The following ZNF662 variants were observed in gnomAD, a reference collection of about 807,000 sequenced individuals.
The protein encoded by ZNF662 is zinc finger protein 662.
In ZNF662, 14 loss-of-function variants were observed where a neutral mutation model predicts 12.4. That is an observed-to-expected ratio of 1.13 (90% CI 0.75 to 1.77). The LOEUF (loss-of-function observed/expected upper bound fraction) is 1.77, where lower values mean the gene tolerates loss of function less well. Among genes scored for constraint, ZNF662 ranks in the 40% most tolerant of loss-of-function variants. The pLI is 0.00. For missense variants in ZNF662, 550 were observed against 515.6 expected (o/e 1.07, Z -0.65); for synonymous variants, 184 against 176.4 (o/e 1.04, Z -0.34).
At position 42,915,427 on chromosome 3, in the gene ZNF662, T is replaced by C; in HGVS notation, c.*73T>C. ...CCCTAGAGACAAAATGAGATGACCA[T>C]TCACAATTTGCTGTAACCCTTAACT... On this transcript the variant is annotated 3_prime_UTR_variant, in exon 5 of 5. Transcript: ENST00000440367. 3.5e-6 allele frequency: 5 copies of C among 1,416,248 alleles called. No homozygotes were observed. The highest frequency in any genetic ancestry group is 4.8e-6 in the Non-Finnish European group (5 of 1,047,888). 87.7% of individuals were successfully genotyped at this position (1,416,248 alleles called of 1,614,324 possible).
In ZNF662 at chr3:42,913,301, G is replaced by C; in HGVS notation, c.252G>C (p.Pro84=). ...LQGEGPSLIC[P]EGVLKRKKED... is the part of the protein sequence containing the mutation. ...GAGAGGGTCCAAGCCTGATTTGTCC[G>C]GGTAAGTGAGAGGGAAATGAGCATT... is the stretch of plus-strand genomic sequence containing the variant. The change falls in exon 4 of 5, where the codon CCG becomes CCC. Residue 84 remains proline (P), a splice_region_variant and synonymous_variant. Coordinates refer to ENST00000440367, the MANE Select transcript of ZNF662 (RefSeq NM_207404.4). 1.2e-6 allele frequency: 2 copies of C among 1,610,732 alleles called. No homozygotes were observed. Among genetic ancestry groups the C allele is most frequent in the Non-Finnish European group, 1.7e-6 (2 of 1,177,182 alleles).
Position 42,913,308 on chromosome 3 carries a change from TGA to T in ZNF662, c.253+10_253+11del, listed in dbSNP as rs2088853792. ...TCCAAGCCTGATTTGTCCGGGTAAG[TGA>T]GAGGGAAATGAGCATTCTTCTCTCA... On this transcript the variant is annotated splice_region_variant and intron_variant, in intron 4 of 4. Transcript: ENST00000440367. 3.7e-6 allele frequency: 6 copies of T among 1,606,406 alleles called. No homozygotes were observed. Among genetic ancestry groups the T allele is most frequent in the Non-Finnish European group, 5.1e-6 (6 of 1,173,274 alleles).
intron 2 of ZNF662, 32 bp downstream of exon 2, chr3:42,908,180 A>G: frequency 6.3e-7 from 1 of 1,589,724 alleles, no homozygotes; most frequent in Non-Finnish European, 8.6e-7. Context: ...CCCTGCCTCC[A>G]CCCTTGAGAG....
Position 42,914,853 on chromosome 3 carries a change from G to A in ZNF662, c.780G>A (p.Lys260=). Residue 260 remains lysine, a synonymous_variant, in exon 5 of 5, where the codon AAG becomes AAA. Coordinates refer to ENST00000440367, the MANE Select transcript of ZNF662 (RefSeq NM_207404.4). The part of the protein sequence containing the change: ...CQECAKAFVW[K]SNLIRHQRIH... ...AATGTGCTAAGGCCTTTGTTTGGAA[G>A]TCAAACCTGATTCGTCACCAGAGAA... The A allele has an allele frequency of 1.2e-6, 2 of 1,614,086 alleles. No individual in the cohort carries two copies. Among genetic ancestry groups the A allele is most frequent in the South Asian group, 2.2e-5 (2 of 91,080 alleles).
intron 3 of ZNF662, among the ~76,000 whole-genome samples, chr3:42,911,128 T>C (rs910022423): frequency 6.6e-6 from 1 of 152,220 alleles, no homozygotes; most frequent in Non-Finnish European, 1.5e-5. Flanking sequence ...AAGTGCCAAG[T>C]ATACTCTAAT....
Position 42,912,720 on chromosome 3 carries a change from A to ATTTTTTATATATATAAATATATATATT in ZNF662, c.152-455_152-454insTTTTTTTATATATATAAATATATATAT, listed in dbSNP as rs1575413619. Among the ~76,000 whole-genome samples, 10 of 66,430 alleles carry ATTTTTTATATATATAAATATATATATT rather than the reference A, an allele frequency of 1.5e-4. 2 individuals are homozygous for ATTTTTTATATATATAAATATATATATT. The highest frequency in any genetic ancestry group is 2.8e-4 in the Non-Finnish European group (10 of 35,592). The allele number at this position is 66,430 out of a possible 152,430, so 43.6% of individuals were successfully genotyped here. A position where few individuals can be genotyped will look rare whatever the true frequency, so the allele number is the denominator to read the frequency against. The stretch of plus-strand genomic sequence containing the variant: ...TTTATATATATAAATATATATATAT[A>ATTTTTTATATATATAAATATATATATT]TTTTTTATATATATAAATATATATA... On this transcript the variant is annotated intron_variant, in intron 3 of 4. Coordinates refer to ENST00000440367, the MANE Select transcript of ZNF662 (RefSeq NM_207404.4).
rs1209274245 is a variant in ZNF662 at position 42,917,142 on chromosome 3, C to T, written c.*1788C>T. The T allele has an allele frequency of 3.9e-6, 1 of 255,074 alleles. No homozygotes were observed. 15.8% of individuals were successfully genotyped at this position (255,074 alleles called of 1,614,324 possible). ...AGACGTGGTCATCTTTTATTGGTTT[C>T]CATCATCTCTTCCCCTTCTCTCTGG... is the stretch of plus-strand genomic sequence containing the variant. On this transcript the variant is annotated 3_prime_UTR_variant, in exon 5 of 5. Coordinates refer to ENST00000440367, the MANE Select transcript of ZNF662 (RefSeq NM_207404.4).
At chr3:42,912,720 A>ATATATATAAATATATATATTTT (rs2088841040) in intron 3 of ZNF662, among the ~76,000 whole-genome samples, 4 of 66,430 alleles carry the variant, frequency 6.0e-5, no homozygotes, top group East Asian at 3.8e-4. Flanking sequence ...ATATATATAT[A>ATATATATAAATATATATATTTT]TTTTTTATAT....
In ZNF662 at chr3:42,919,003, AAAAG is replaced by A. The variant is rs1347915845; in HGVS notation, c.*3653_*3656del. On this transcript the variant is annotated 3_prime_UTR_variant, in exon 5 of 5. Coordinates refer to ENST00000440367, the MANE Select transcript of ZNF662 (RefSeq NM_207404.4). ...AGCTCCCTTGGTCTTATTTTCCCAAAAAAGAAACCTCCAGGTTATGGGCACCTTA... is the reference window on the plus strand; with the variant it reads ...AGCTCCCTTGGTCTTATTTTCCCAAAAAACCTCCAGGTTATGGGCACCTTA... Among the ~76,000 whole-genome samples, 3 of 152,180 alleles carry A rather than the reference AAAAG, an allele frequency of 2.0e-5. No individual in the cohort carries two copies. Among genetic ancestry groups the A allele is most frequent in the Non-Finnish European group, 4.4e-5 (3 of 68,026 alleles).
intron 3 of ZNF662, among the ~76,000 whole-genome samples, chr3:42,912,436 AT>A (rs1411603497): frequency 7.3e-5 from 7 of 95,968 alleles, no homozygotes; most frequent in Non-Finnish European, 1.1e-4. Context: ...TATATATAAT[AT>A]TTTTGTATAT....
chr3:42,910,626 A>G (rs896972095), intron 3 of ZNF662, among the ~76,000 whole-genome samples: 2 of 152,178 alleles, frequency 1.3e-5, no homozygotes, highest in East Asian at 3.9e-4. Flanking sequence ...CCTCAGCCAG[A>G]TAGTTCCTAT....
rs767906613 is a variant in ZNF662 at position 42,914,537 on chromosome 3, T to C, written c.464T>C (p.Ile155Thr). The C allele has an allele frequency of 3.7e-6, 6 of 1,614,116 alleles. No homozygotes were observed. Among genetic ancestry groups the C allele is most frequent in the South Asian group, 2.2e-5 (2 of 91,082 alleles). The change falls in exon 5 of 5, where the codon ATA (isoleucine) becomes ACA (threonine). Residue 155 changes from isoleucine (I) to threonine (T), a missense_variant. Transcript: ENST00000440367. ...ATGGAAAGTTCTACAAATGATATTATAGAAGTGATTGTCAAGGATGAGATG... is the reference window on the plus strand; with the variant it reads ...ATGGAAAGTTCTACAAATGATATTACAGAAGTGATTGTCAAGGATGAGATG... ...GRMESSTNDIIEVIVKDEMIS... is the reference protein window; with the variant it reads ...GRMESSTNDITEVIVKDEMIS...
intron 4 of ZNF662, among the ~76,000 whole-genome samples, 186 bp downstream of exon 4, chr3:42,913,488 AATTAAATTAATTAAATTAGGATG>A (rs2088856861): frequency 1.3e-5 from 2 of 152,178 alleles, no homozygotes; most frequent in South Asian, 4.1e-4. Context: ...AAGCTCAATT[AATTAAATTAATTAAATTAGGATG>A]GGTCTTTTGC....
Position 42,914,834 on chromosome 3 carries a change from C to A in ZNF662, c.761C>A (p.Ala254Asp). 1.7e-5 allele frequency: 27 copies of A among 1,613,772 alleles called. No homozygotes were observed. Among genetic ancestry groups the A allele is most frequent in the Non-Finnish European group, 2.3e-5 (27 of 1,179,944 alleles). The change falls in exon 5 of 5, where the codon GCT (alanine) becomes GAT (aspartate). Residue 254 changes from alanine (A) to aspartate (D), a missense_variant. Physicochemically the swap from Ala to Asp is moderately radical, Grantham distance 126. Coordinates refer to ENST00000440367, the MANE Select transcript of ZNF662 (RefSeq NM_207404.4). The part of the protein sequence containing the change: ...GVKPYECQEC[A>D]KAFVWKSNLI... ...AAACCCTATGAATGTCAAGAATGTG[C>A]TAAGGCCTTTGTTTGGAAGTCAAAC...
In ZNF662 at chr3:42,916,098, G is replaced by A. The variant is rs2088894811; in HGVS notation, c.*744G>A. 6.6e-6 allele frequency: 1 copy of A among 152,126 alleles called. No individual in the cohort carries two copies. The highest frequency in any genetic ancestry group is 1.5e-5 in the Non-Finnish European group (1 of 68,016). 9.4% of individuals were successfully genotyped at this position (152,126 alleles called of 1,614,324 possible). ...GAAATAGTTGAAAAGGGTGTTCAGT[G>A]AAAAGTAAATTTCCTTGTCATTCCT... On this transcript the variant is annotated 3_prime_UTR_variant, in exon 5 of 5. Coordinates refer to ENST00000440367, the MANE Select transcript of ZNF662 (RefSeq NM_207404.4).
rs772923361 is a variant in ZNF662, at chr3:42,917,844, C to T, written c.*2490C>T. ...GGCTTTTGCTGGGTGCAGTGGCTTA[C>T]GCCTGTAATCCCATCACTTTGGGAG... On this transcript the variant is annotated 3_prime_UTR_variant, in exon 5 of 5. Coordinates refer to ENST00000440367, the MANE Select transcript of ZNF662 (RefSeq NM_207404.4). Among the ~76,000 whole-genome samples the T allele has an allele frequency of 1.3e-5, 2 of 152,174 alleles. No homozygotes were observed. Among genetic ancestry groups the T allele is most frequent in the East Asian group, 1.9e-4 (1 of 5,190 alleles).
intron 3 of ZNF662, among the ~76,000 whole-genome samples, chr3:42,909,891 T>G (rs919663190): frequency 6.9e-6 from 1 of 145,940 alleles, no homozygotes; most frequent in African/African-American, 2.6e-5. Context: ...GCAGAGGCGC[T>G]CCCCACATCC....
chr3:42,911,497 T>C (rs1188155195), intron 3 of ZNF662, among the ~76,000 whole-genome samples: 1 of 152,186 alleles, frequency 6.6e-6, no homozygotes, highest in African/African-American at 2.4e-5. Context: ...AACCAACAGC[T>C]AAGTTACTCC....
chr3:42,908,283 C>T (rs2088712639), intron 2 of ZNF662, 135 bp downstream of exon 2: 1 of 1,437,180 alleles, frequency 7.0e-7, no homozygotes. Flanking sequence ...AATGACCTAA[C>T]CTCAGCAGCC....
Sources: gnomAD v4.1 joint callset for allele counts (sites outside exome capture counted in the v4.1 genomes callset) on GRCh38, gnomAD v4.1.1 for gene constraint, MANE v1.5 for transcripts, NCBI Gene and HGNC (gene_info 2026-07-23, HGNC 2026-07-21) for gene names.